Variants in ILDR1 observed in about 807,000 individuals in gnomAD.
ILDR1 encodes immunoglobulin like domain containing receptor 1, also known as immunoglobulin-like domain-containing receptor 1.
ILDR1 carries 56 observed loss-of-function variants against 62.4 expected under a neutral mutation model. The observed-to-expected ratio is 0.90, with a 90% CI of 0.72 to 1.12. ILDR1 has a LOEUF of 1.12. ILDR1 is among the 50% of genes most tolerant of loss of function. The probability of loss-of-function intolerance (pLI) is 0.00; values close to 1 mark genes in which losing one functional copy is unlikely to be tolerated. For synonymous variants in ILDR1, 284 were observed against 277.8 expected, an observed-to-expected ratio of 1.02 and a Z score of -0.22; for missense variants, 736 against 710.6, an observed-to-expected ratio of 1.04 and a Z score of -0.41.
chr3:122,012,369 C>A (rs1158080500), intron 1 of ILDR1, among the ~76,000 whole-genome samples: 1 of 152,156 alleles, frequency 6.6e-6, no homozygotes, highest in East Asian at 1.9e-4. Context: ...ATTTTCTCCT[C>A]CCCAGTTCAT....
At position 121,993,134 on chromosome 3, in the gene ILDR1, G is replaced by A. The variant is rs766113693; in HGVS notation, c.1599+16C>T. The A allele has an allele frequency of 3.9e-6, 6 of 1,555,700 alleles. No homozygotes were observed. The Admixed American group carries it at 7.6e-5, about 20-fold the overall frequency. ...TCTGCCCATGCCCAACCCTCAGCAG[G>A]ATGCCCCAGGCTCACCGAGCGCCTC... On this transcript the variant is annotated intron_variant, in intron 7 of 7. Transcript: ENST00000344209.
intron 1 of ILDR1, among the ~76,000 whole-genome samples, chr3:122,011,245 T>C (rs2071698012): frequency 6.6e-6 from 1 of 152,166 alleles, no homozygotes; most frequent in African/African-American, 2.4e-5. Context: ...GTAGCGCATT[T>C]GGGAGCAGGG....
chr3:122,056,214 T>C, the ILDR1 span, among the ~76,000 whole-genome samples: 2 of 152,184 alleles, frequency 1.3e-5, no homozygotes, highest in Non-Finnish European at 2.9e-5. Flanking sequence ...CTAAAATCTT[T>C]CCTGCCCGCT....
At chr3:122,011,352 G>T (rs748364560) in intron 1 of ILDR1, among the ~76,000 whole-genome samples, 10 of 152,060 alleles carry the variant, frequency 6.6e-5, no homozygotes, top group Non-Finnish European at 1.3e-4. Context: ...CACCCTTGAG[G>T]AGGGGAAATG....
Position 121,994,158 on chromosome 3 carries a change from T to C in ILDR1, c.778+24A>G, listed in dbSNP as rs138699514. The C allele has an allele frequency of 1.2e-3, 1,850 of 1,535,632 alleles. 15 individuals carry two copies. The African/African-American group carries it at 0.019, about 16-fold the overall frequency. Reference sequence around the variant, plus strand: ...CGCCCTTGCCCTCTGCCCTCCCCTATCCCAAATCTCTGGAAGAGTTTACCT... The same window carrying C: ...CGCCCTTGCCCTCTGCCCTCCCCTACCCCAAATCTCTGGAAGAGTTTACCT... On this transcript the variant is annotated intron_variant, in intron 6 of 7. Coordinates refer to ENST00000344209, the MANE Select transcript of ILDR1 (RefSeq NM_001199799.2).
the ILDR1 span, among the ~76,000 whole-genome samples, chr3:122,034,710 C>T: frequency 4.8e-4 from 73 of 152,038 alleles, no homozygotes; most frequent in African/African-American, 1.4e-3. Context: ...AAGACATACC[C>T]GAGACTGGGG....
chr3:121,991,672 G>A (rs1001222839), intron 7 of ILDR1, among the ~76,000 whole-genome samples: 5 of 152,224 alleles, frequency 3.3e-5, no homozygotes, highest in Non-Finnish European at 7.3e-5. Flanking sequence ...TCTGTGAGAA[G>A]ATGACATAAT....
intron 7 of ILDR1, among the ~76,000 whole-genome samples, chr3:121,991,806 C>G (rs2071351542): frequency 6.6e-6 from 1 of 152,218 alleles, no homozygotes; most frequent in South Asian, 2.1e-4. Context: ...TGCTCCTTTG[C>G]ACACACCATG....
At chr3:122,005,811 G>C (rs547108931) in intron 2 of ILDR1, among the ~76,000 whole-genome samples, 1 of 152,064 alleles carries the variant, frequency 6.6e-6, no homozygotes, top group East Asian at 1.9e-4. Flanking sequence ...AGGCAGGAGA[G>C]TCACTTGAAC....
At chr3:122,049,869 G>A in the ILDR1 span, among the ~76,000 whole-genome samples, 2 of 152,142 alleles carry the variant, frequency 1.3e-5, no homozygotes, top group African/African-American at 4.8e-5. Context: ...TGAGGACACA[G>A]CAATTCATCT....
At chr3:122,059,103 G>A in the ILDR1 span, among the ~76,000 whole-genome samples, 1 of 152,096 alleles carries the variant, frequency 6.6e-6, no homozygotes, top group South Asian at 2.1e-4. Flanking sequence ...AGGTGCCTGT[G>A]GAGCAGCTGG....
chr3:122,041,979 A>G, the ILDR1 span, among the ~76,000 whole-genome samples: 7 of 142,176 alleles, frequency 4.9e-5, no homozygotes, highest in East Asian at 2.1e-4. Flanking sequence ...GGTTAGTTAC[A>G]TATGTATACA....
upstream of ILDR1, among the ~76,000 whole-genome samples, chr3:122,023,848 G>A (rs2071898516): frequency 6.6e-6 from 1 of 151,962 alleles, no homozygotes; most frequent in Non-Finnish European, 1.5e-5. Context: ...TGAGGGTCAG[G>A]TCCCTCAACC....
At chr3:122,034,679 T>C in the ILDR1 span, among the ~76,000 whole-genome samples, 12 of 152,206 alleles carry the variant, frequency 7.9e-5, no homozygotes, top group Non-Finnish European at 1.6e-4. Flanking sequence ...CCTGTATTAG[T>C]CTGTTTTCAT....
At chr3:122,003,877 A>T (rs1301809619) in intron 3 of ILDR1, among the ~76,000 whole-genome samples, 1 of 152,164 alleles carries the variant, frequency 6.6e-6, no homozygotes, top group Non-Finnish European at 1.5e-5. Context: ...AGAGGCTTGA[A>T]ACTTTGAGGT....
At chr3:121,996,535 T>C (rs540234285) in intron 5 of ILDR1, among the ~76,000 whole-genome samples, 19 of 152,296 alleles carry the variant, frequency 1.2e-4, no homozygotes, top group Middle Eastern at 3.4e-3. Flanking sequence ...GGGGTATCTG[T>C]TGCTCACCTA....
intron 1 of ILDR1, among the ~76,000 whole-genome samples, chr3:122,017,246 G>A (rs548284157): frequency 5.9e-5 from 9 of 152,008 alleles, no homozygotes; most frequent in Admixed American, 1.3e-4. Context: ...AAGGGGTTTC[G>A]CCATGTTGGC....
chr3:122,055,481 G>A, the ILDR1 span: 12 of 1,613,878 alleles, frequency 7.4e-6, no homozygotes, highest in Non-Finnish European at 1.0e-5. Context: ...CACAGCAGAA[G>A]CAGCCAAAAT....
the ILDR1 span, among the ~76,000 whole-genome samples, chr3:122,032,812 T>C: frequency 6.6e-6 from 1 of 152,178 alleles, no homozygotes; most frequent in African/African-American, 2.4e-5. Context: ...AACCAAGAAT[T>C]TCTGCCAATA....
Sources: allele counts gnomAD v4.1 joint callset (sites outside exome capture counted in the v4.1 genomes callset), GRCh38; gene constraint gnomAD v4.1.1; transcripts MANE v1.5; gene names NCBI Gene and HGNC (gene_info 2026-07-23, HGNC 2026-07-21).